Variants in EIF2AK4 observed in about 807,000 individuals in gnomAD.
The protein encoded by EIF2AK4 is eukaryotic translation initiation factor 2 alpha kinase 4.
A neutral mutation model predicts 211.1 loss-of-function variants in EIF2AK4; 139 were observed. The ratio of observed to expected loss-of-function variants is 0.66; its 90% confidence interval spans 0.57 to 0.76. The LOEUF is 0.76. EIF2AK4 is among the 30% of genes least tolerant of loss of function. The pLI, the probability that EIF2AK4 is intolerant of heterozygous loss-of-function variation, is 0.00. For missense variants in EIF2AK4, 1,664 were observed against 2,043.8 expected (o/e 0.81, Z 3.58); for synonymous variants, 710 against 751.3 (o/e 0.94, Z 0.90).
At chr15:39,999,674 A>G (rs1022183708) in intron 20 of EIF2AK4, among the ~76,000 whole-genome samples, 4 of 152,152 alleles carry the variant, frequency 2.6e-5, no homozygotes, top group Non-Finnish European at 5.9e-5. Context: ...GTTTAACATG[A>G]TGGTTATTTA....
At chr15:40,012,032 C>T (rs1436017114) in intron 27 of EIF2AK4, among the ~76,000 whole-genome samples, 4 of 151,942 alleles carry the variant, frequency 2.6e-5, no homozygotes, top group South Asian at 4.2e-4. Context: ...TTTAATTTCC[C>T]GGAACCTGTC....
chr15:39,934,482 T>A, intron 1 of EIF2AK4, 143 bp downstream of exon 1: 2 of 1,180,458 alleles, frequency 1.7e-6, no homozygotes, highest in Non-Finnish European at 2.3e-6. Context: ...ATGCTCACTT[T>A]AGTCCTTGCA....
intron 37 of EIF2AK4, 83 bp from the exon 38 acceptor site, chr15:40,034,243 C>T: frequency 9.8e-7 from 1 of 1,021,744 alleles, no homozygotes; most frequent in Non-Finnish European, 1.5e-6. Flanking sequence ...GGAAATGACA[C>T]TGGAATTTCA....
chr15:40,024,060 A>T (rs2035430337), intron 32 of EIF2AK4, among the ~76,000 whole-genome samples: 1 of 152,204 alleles, frequency 6.6e-6, no homozygotes, highest in Admixed American at 6.5e-5. Flanking sequence ...AAAAATTTGA[A>T]GCTTTGTTAT....
At chr15:39,972,860 A>G (rs369598212) in intron 9 of EIF2AK4, 48 bp from the exon 10 acceptor site, 1,190 of 1,470,732 alleles carry the variant, frequency 8.1e-4, no homozygotes, top group Non-Finnish European at 9.4e-4. Context: ...TAACTAGTTT[A>G]GCACTGATTG....
intron 6 of EIF2AK4, 110 bp from the exon 7 acceptor site, chr15:39,961,674 A>G: frequency 1.3e-6 from 1 of 797,424 alleles, no homozygotes; most frequent in Non-Finnish European, 2.0e-6. Flanking sequence ...TAAACGGGAG[A>G]AAATGGAGGG....
chr15:40,030,374 A>G lies in EIF2AK4; in HGVS notation c.4577A>G (p.His1526Arg). 6.2e-7 allele frequency: 1 copy of G among 1,614,106 alleles called. No individual in the cohort carries two copies. The highest frequency in any genetic ancestry group is 8.5e-7 in the Non-Finnish European group (1 of 1,180,018). Residue 1526 changes from histidine (H) to arginine (R), a missense_variant, in exon 35 of 39, where the codon CAT becomes CGT. Coordinates refer to ENST00000263791, the MANE Select transcript of EIF2AK4 (RefSeq NM_001013703.4). ...TTGGTCTCAGGTTTGTTTGAAATCC[A>G]TGGAGCAACAGTGGTTCCCATTGTG... ...FSNASGLFEI[H>R]GATVVPIVSV...
rs771449291 is a variant in EIF2AK4, at chr15:40,019,099, C to G, written c.4072C>G (p.Gln1358Glu). 4 of 1,603,878 alleles carry G rather than the reference C, an allele frequency of 2.5e-6. No homozygotes were observed. Among genetic ancestry groups the G allele is most frequent in the Non-Finnish European group, 3.4e-6 (4 of 1,174,848 alleles). ...TGTTTGTGTCTCTCCACAGATTCCC[C>G]AGTTTAGAGGGCCACAAGCTCTGGG... ...AGGRYDLLIP[Q>E]FRGPQALGPV... The change falls in exon 30 of 39, where the codon CAG becomes GAG. Residue 1358 changes from glutamine to glutamate, a missense_variant. Gln to Glu is a conservative substitution (Grantham distance 29, BLOSUM62 2). This residue lies in a region of EIF2AK4 where 622 missense variants were observed against 796.8 expected (regional missense o/e 0.78). Transcript: ENST00000263791.
chr15:40,011,140 C>A, intron 26 of EIF2AK4, 141 bp from the exon 27 acceptor site: 1 of 528,722 alleles, frequency 1.9e-6, no homozygotes, highest in Non-Finnish European at 3.3e-6. Flanking sequence ...ATTTTTTAAT[C>A]ACAGAATTCA....
intron 2 of EIF2AK4, among the ~76,000 whole-genome samples, chr15:39,942,512 A>G (rs1426173444): frequency 6.6e-6 from 1 of 152,240 alleles, no homozygotes; most frequent in Non-Finnish European, 1.5e-5. Flanking sequence ...TCAAGACTTC[A>G]CTGGTTAAAT....
intron 37 of EIF2AK4, among the ~76,000 whole-genome samples, chr15:40,033,968 CAGTGAGCCG>C (rs2140953486): frequency 6.8e-6 from 1 of 148,062 alleles, no homozygotes; most frequent in Non-Finnish European, 1.5e-5. Flanking sequence ...GTGGAGGTTG[CAGTGAGCCG>C]AGATTGTGCC....
chr15:39,975,239 GCC>G (rs1182070456), intron 11 of EIF2AK4: 2 of 34,230 alleles, frequency 5.8e-5, no homozygotes, highest in African/African-American at 2.2e-4. Flanking sequence ...TATGTCCTTT[GCC>G]TGAGATAAGG....
At chr15:40,029,151 G>A (rs566439587) in intron 33 of EIF2AK4, 3 of 230,850 alleles carry the variant, frequency 1.3e-5, no homozygotes, top group South Asian at 1.6e-4. Context: ...AGGATTTCAC[G>A]CCCAGCTGAA....
intron 18 of EIF2AK4, among the ~76,000 whole-genome samples, chr15:39,993,788 C>T (rs1049192106): frequency 6.6e-6 from 1 of 152,250 alleles, no homozygotes; most frequent in Non-Finnish European, 1.5e-5. Flanking sequence ...AGAGAGTTCA[C>T]TCTGGCTGCT....
chr15:39,990,555 A>T (rs1343361814), intron 16 of EIF2AK4, among the ~76,000 whole-genome samples, 178 bp downstream of exon 16: 4 of 152,234 alleles, frequency 2.6e-5, no homozygotes, highest in African/African-American at 9.6e-5. Context: ...AATTGTGAGT[A>T]TATTTTTTTG....
At chr15:39,958,082 C>A (rs2034415772) in intron 6 of EIF2AK4, among the ~76,000 whole-genome samples, 1 of 152,072 alleles carries the variant, frequency 6.6e-6, no homozygotes, top group Non-Finnish European at 1.5e-5. Flanking sequence ...AGGTAAAAAT[C>A]AAAAAACATA....
At chr15:39,982,905 A>G (rs530088188) in intron 13 of EIF2AK4, among the ~76,000 whole-genome samples, 4 of 152,308 alleles carry the variant, frequency 2.6e-5, no homozygotes, top group East Asian at 1.9e-4. Context: ...ATAGTATTCT[A>G]TAGTGTATAT....
intron 9 of EIF2AK4, among the ~76,000 whole-genome samples, chr15:39,971,564 C>T (rs8039846): frequency 0.99 from 150,874 of 152,224 alleles, 74,782 homozygotes; most frequent in East Asian, 1. Flanking sequence ...AATAAATAAA[C>T]AAAACATTCC....
At position 40,017,231 on chromosome 15, in the gene EIF2AK4, T is replaced by A. The variant is rs933589039; in HGVS notation, c.4054T>A (p.Tyr1352Asn). The change falls in exon 29 of 39, where the codon TAT becomes AAT. Residue 1352 changes from tyrosine (Y) to asparagine (N), a missense_variant. Physicochemically the swap from Tyr to Asn is moderately radical, Grantham distance 143. Coordinates refer to ENST00000263791, the MANE Select transcript of EIF2AK4 (RefSeq NM_001013703.4). ...VPEILAAGGR[Y>N]DLLIPQFRGP... The stretch of plus-strand genomic sequence containing the variant: ...TGAAATCCTCGCAGCTGGAGGCAGA[T>A]ATGACCTGCTGGTGAGGGCTTGCCC... 1 of 1,613,056 alleles carries A rather than the reference T, an allele frequency of 6.2e-7. No homozygotes were observed. The highest frequency in any genetic ancestry group is 1.3e-5 in the African/African-American group (1 of 75,032).
Sources: gnomAD v4.1 joint callset for allele counts (sites outside exome capture counted in the v4.1 genomes callset) on GRCh38, gnomAD v4.1.1 for gene constraint, gnomAD v4.1.1 regional missense constraint, MANE v1.5 for transcripts, NCBI Gene and HGNC (gene_info 2026-07-23, HGNC 2026-07-21) for gene names.